The following TRIM72 variants were observed in gnomAD, a reference collection of about 807,000 sequenced individuals.
The protein encoded by TRIM72 is tripartite motif containing 72.
In TRIM72, 33 loss-of-function variants were observed where a neutral mutation model predicts 31.6. The ratio of observed to expected loss-of-function variants is 1.04; its 90% CI spans 0.79 to 1.40. The LOEUF (loss-of-function observed/expected upper bound fraction) is 1.40, where lower values mean the gene tolerates loss of function less well. Ranked by LOEUF, TRIM72 falls within the 40% of genes most tolerant of loss-of-function variation. TRIM72 has a pLI of 0.00. For missense variants in TRIM72, 666 were observed against 682.7 expected, an observed-to-expected ratio of 0.98 and a Z score of 0.27; for synonymous variants, 301 against 314.4, an observed-to-expected ratio of 0.96 and a Z score of 0.45.
Position 31,228,619 on chromosome 16 carries a change from T to G in TRIM72, c.*3864T>G, listed in dbSNP as rs951633867. 4.0e-5 allele frequency: 6 copies of G among 151,740 alleles called. No individual in the cohort carries two copies. Among genetic ancestry groups the G allele is most frequent in the African/African-American group, 1.2e-4 (5 of 40,796 alleles). The allele number at this position is 151,740 out of a possible 1,614,324, so 9.4% of individuals were successfully genotyped here. On this transcript the variant is annotated 3_prime_UTR_variant, in exon 7 of 7. Transcript: ENST00000322122. Reference sequence around the variant, plus strand: ...TGCAGTCTTGCTCTGTCGCCCAGGCTGGAGTGCAATGGTGCTATCTCAGCT... The same window carrying G: ...TGCAGTCTTGCTCTGTCGCCCAGGCGGGAGTGCAATGGTGCTATCTCAGCT...
rs1378130497 is a variant in TRIM72, at chr16:31,219,221, C to T, written c.486+31C>T. 8.1e-6 allele frequency: 13 copies of T among 1,613,906 alleles called. No individual in the cohort carries two copies. Among genetic ancestry groups the T allele is most frequent in the Non-Finnish European group, 1.1e-5 (13 of 1,179,846 alleles). On this transcript the variant is annotated intron_variant, in intron 3 of 6. Coordinates refer to ENST00000322122, the MANE Select transcript of TRIM72 (RefSeq NM_001008274.4). The surrounding 1 kb of genome is among the most constrained non-coding windows in gnomAD (Gnocchi z 4.2). Reference sequence around the variant, plus strand: ...GACTTCACAGGGCCATGTCTGAGGGCTGGGGGCCAGGCTAGGGGTCTCCAG... The same window carrying T: ...GACTTCACAGGGCCATGTCTGAGGGTTGGGGGCCAGGCTAGGGGTCTCCAG...
chr16:31,221,050 C>T, intron 5 of TRIM72, 132 bp downstream of exon 5: 1 of 1,169,094 alleles, frequency 8.6e-7, no homozygotes, highest in Non-Finnish European at 1.3e-6. Context: ...CCTGCCTGAA[C>T]ACAAGGTTGT....
Position 31,219,465 on chromosome 16 carries a change from G to T in TRIM72, c.663G>T (p.Gln221His), listed in dbSNP as rs748055741. Residue 221 changes from glutamine (Q) to histidine (H), a missense_variant, in exon 4 of 7, where the codon CAG (glutamine) becomes CAT (histidine). Gln to His is a conservative substitution (Grantham distance 24). Transcript: ENST00000322122. This position sits in a 1 kb window ranked among gnomAD's most constrained non-coding sequence, Gnocchi z 4.2. ...SLNSYLEQLRQMEKVLEEVAD... is the reference protein window; with the variant it reads ...SLNSYLEQLRHMEKVLEEVAD... ...ACTCTTACCTGGAGCAGCTGCGGCAGATGGAGAAGGTCCTGGAGGAGGTGG... is the reference window on the plus strand; with the variant it reads ...ACTCTTACCTGGAGCAGCTGCGGCATATGGAGAAGGTCCTGGAGGAGGTGG... 3 of 1,612,058 alleles carry T rather than the reference G, an allele frequency of 1.9e-6. No homozygotes were observed. The African/African-American group carries it at 4.0e-5, about 22-fold the overall frequency.
At position 31,216,859 on chromosome 16, in the gene TRIM72, A is replaced by G; in HGVS notation, c.390+1731A>G. On this transcript the variant is annotated intron_variant, in intron 2 of 6. Transcript: ENST00000322122. This position sits in a 1 kb window ranked among gnomAD's most constrained non-coding sequence, Gnocchi z 6.7. ...TGCGTAGTCCTCGTAGTAGGAGGCGACCAGCTTGTCGGTGAGGTCCACGAT... is the reference window on the plus strand; with the variant it reads ...TGCGTAGTCCTCGTAGTAGGAGGCGGCCAGCTTGTCGGTGAGGTCCACGAT... 1 of 1,613,808 alleles carries G rather than the reference A, an allele frequency of 6.2e-7. No homozygotes were observed. Among genetic ancestry groups the G allele is most frequent in the Non-Finnish European group, 8.5e-7 (1 of 1,179,950 alleles).
At position 31,222,895 on chromosome 16, in the gene TRIM72, A is replaced by T; in HGVS notation, c.809A>T (p.Asp270Val). 6.4e-7 allele frequency: 1 copy of T among 1,560,538 alleles called. No homozygotes were observed. Among genetic ancestry groups the T allele is most frequent in the South Asian group, 1.2e-5 (1 of 84,108 alleles). The change falls in exon 6 of 7, where the codon GAT (aspartate) becomes GTT (valine). Residue 270 changes from aspartate to valine, a missense_variant. By Grantham distance (152) the Asp-to-Val change is radical. Coordinates refer to ENST00000322122, the MANE Select transcript of TRIM72 (RefSeq NM_001008274.4). ...RLDIQLPIISDDFKFQVWRKM... is the reference protein window; with the variant it reads ...RLDIQLPIISVDFKFQVWRKM... ...GACATCCAGCTGCCAATTATCTCAG[A>T]TGACTTCAAATTCCAGGTGTGGAGG...
At chr16:31,218,047 G>A (rs1372373390) in intron 2 of TRIM72, among the ~76,000 whole-genome samples, 1 of 152,204 alleles carries the variant, frequency 6.6e-6, no homozygotes, top group African/African-American at 2.4e-5. Context: ...GGAAGCCCAG[G>A]AGTAGGGGTA....
Position 31,215,030 on chromosome 16 carries a change from G to C in TRIM72, c.292G>C (p.Glu98Gln). The part of the protein sequence containing the change: ...EHLDPLSIYC[E>Q]QDRALVCGVC... ...CCTGGACCCGCTGAGCATCTACTGC[G>C]AGCAGGACCGCGCGCTGGTGTGCGG... The change falls in exon 2 of 7, where the codon GAG becomes CAG. Residue 98 changes from glutamate (E) to glutamine (Q), a missense_variant. By Grantham distance (29) the Glu-to-Gln change is conservative. Transcript: ENST00000322122. The surrounding 1 kb of genome is among the most constrained non-coding windows in gnomAD (Gnocchi z 6.3). 1 of 1,504,854 alleles carries C rather than the reference G, an allele frequency of 6.6e-7. No individual in the cohort carries two copies. The highest frequency in any genetic ancestry group is 8.8e-7 in the Non-Finnish European group (1 of 1,135,026). The allele number at this position is 1,504,854 out of a possible 1,614,324, so 93.2% of individuals were successfully genotyped here.
At position 31,224,731 on chromosome 16, in the gene TRIM72, G is replaced by T; in HGVS notation, c.1410G>T (p.Val470=). ...AGAATGCCCAGCCGCTGCTGCTCGT[G>T]GGTCCCGAAGGCGCCGAGGCCTGAG... ...KGKNAQPLLL[V]GPEGAEA Residue 470 remains valine (V), a synonymous_variant, in exon 7 of 7, where the codon GTG becomes GTT. Coordinates refer to ENST00000322122, the MANE Select transcript of TRIM72 (RefSeq NM_001008274.4). 6.6e-7 allele frequency: 1 copy of T among 1,512,916 alleles called. No homozygotes were observed. The highest frequency in any genetic ancestry group is 2.5e-5 in the East Asian group (1 of 39,636). 93.7% of individuals were successfully genotyped at this position (1,512,916 alleles called of 1,614,324 possible). A position where few individuals can be genotyped will look rare whatever the true frequency, so the allele number is the denominator to read the frequency against.
intron 5 of TRIM72, among the ~76,000 whole-genome samples, chr16:31,222,016 G>A (rs1479838183): frequency 6.6e-6 from 1 of 152,190 alleles, no homozygotes; most frequent in African/African-American, 2.4e-5. Flanking sequence ...CGAGTGGGAG[G>A]GAAGAGGAAG....
In TRIM72 at chr16:31,228,589, T is replaced by G. The variant is rs1472231866; in HGVS notation, c.*3834T>G. 6.5e-6 allele frequency: 1 copy of G among 152,678 alleles called. No individual in the cohort carries two copies. Among genetic ancestry groups the G allele is most frequent in the Non-Finnish European group, 1.4e-5 (1 of 69,746 alleles). The allele number at this position is 152,678 out of a possible 1,614,324, so 9.5% of individuals were successfully genotyped here. On this transcript the variant is annotated 3_prime_UTR_variant, in exon 7 of 7. Coordinates refer to ENST00000322122, the MANE Select transcript of TRIM72 (RefSeq NM_001008274.4). ...ACCTCCTTTTTTTTTTTTTTTTTTT[T>G]GAGATGCAGTCTTGCTCTGTCGCCC...
At position 31,225,643 on chromosome 16, in the gene TRIM72, C is replaced by CTTTTTT. The variant is rs1160718865; in HGVS notation, c.*909_*914dup. 2 of 81,092 alleles carry CTTTTTT rather than the reference C, an allele frequency of 2.5e-5. No individual in the cohort carries two copies. Among genetic ancestry groups the CTTTTTT allele is most frequent in the African/African-American group, 4.3e-5 (1 of 23,182 alleles). 5.0% of individuals were successfully genotyped at this position (81,092 alleles called of 1,614,324 possible). ...AAATGCTCATTTCTTTTTTTTATTT[C>CTTTTTT]TTTTTTTTTTTTTTTTTTTTTTTTT... On this transcript the variant is annotated 3_prime_UTR_variant, in exon 7 of 7. Transcript: ENST00000322122.
At position 31,228,388 on chromosome 16, in the gene TRIM72, C is replaced by G. The variant is rs1262243398; in HGVS notation, c.*3633C>G. 1.3e-5 allele frequency: 2 copies of G among 152,254 alleles called. No individual in the cohort carries two copies. Among genetic ancestry groups the G allele is most frequent in the Admixed American group, 6.5e-5 (1 of 15,268 alleles). The allele number at this position is 152,254 out of a possible 1,614,324, so 9.4% of individuals were successfully genotyped here. A position where few individuals can be genotyped will look rare whatever the true frequency, so the allele number is the denominator to read the frequency against. ...GCTGTCCATTGACTGTCACTGAACT[C>G]TCTGTCATTGCTCAGGCTAAGGACT... is the stretch of plus-strand genomic sequence containing the variant. On this transcript the variant is annotated 3_prime_UTR_variant, in exon 7 of 7. Coordinates refer to ENST00000322122, the MANE Select transcript of TRIM72 (RefSeq NM_001008274.4).
chr16:31,219,996 C>T lies in TRIM72; in HGVS notation c.717+477C>T, dbSNP rs1345364861. Among the ~76,000 whole-genome samples the T allele has an allele frequency of 3.9e-5, 6 of 151,950 alleles. No individual in the cohort carries two copies. Among genetic ancestry groups the T allele is most frequent in the Admixed American group, 1.3e-4 (2 of 15,240 alleles). Reference sequence around the variant, plus strand: ...GCCAGGATGGTCTTGATCTCCTGACCTTGTGATCCACCTGCCTTAGCCTCC... The same window carrying T: ...GCCAGGATGGTCTTGATCTCCTGACTTTGTGATCCACCTGCCTTAGCCTCC... On this transcript the variant is annotated intron_variant, in intron 4 of 6. Transcript: ENST00000322122. This position sits in a 1 kb window ranked among gnomAD's most constrained non-coding sequence, Gnocchi z 4.2.
Position 31,215,220 on chromosome 16 carries a change from C to CT in TRIM72, c.390+93dup. On this transcript the variant is annotated intron_variant, in intron 2 of 6. Transcript: ENST00000322122. The surrounding 1 kb of genome is among the most constrained non-coding windows in gnomAD (Gnocchi z 6.3). ...CTGCAGTGATTTGGATTCTGAGTCT[C>CT]TAGAGAGGCTCACGAGCTCCTGGAG... 1 of 1,361,968 alleles carries CT rather than the reference C, an allele frequency of 7.3e-7. No homozygotes were observed. 84.4% of individuals were successfully genotyped at this position (1,361,968 alleles called of 1,614,324 possible). A position where few individuals can be genotyped will look rare whatever the true frequency, so the allele number is the denominator to read the frequency against.
chr16:31,223,798 T>TTGGGAGA (rs1275117520), intron 6 of TRIM72, among the ~76,000 whole-genome samples: 1 of 151,562 alleles, frequency 6.6e-6, no homozygotes, highest in Non-Finnish European at 1.5e-5. Flanking sequence ...TCCCAGCTAC[T>TTGGGAGA]TGGGAGATGG....
At position 31,230,940 on chromosome 16, in the gene TRIM72, C is replaced by T. The variant is rs2079568024; in HGVS notation, c.*6185C>T. On this transcript the variant is annotated 3_prime_UTR_variant, in exon 7 of 7. Coordinates refer to ENST00000322122, the MANE Select transcript of TRIM72 (RefSeq NM_001008274.4). ...AATTTATTGAGACCTTATTATGCGT[C>T]AATAGCTCTCTATTCAGAATCTCAC... 6.6e-6 allele frequency: 1 copy of T among 151,996 alleles called. No individual in the cohort carries two copies. Among genetic ancestry groups the T allele is most frequent in the Non-Finnish European group, 1.5e-5 (1 of 68,006 alleles). 9.4% of individuals were successfully genotyped at this position (151,996 alleles called of 1,614,324 possible).
At position 31,231,391 on chromosome 16, in the gene TRIM72, G is replaced by A. The variant is rs969622624; in HGVS notation, c.*6636G>A. 2 of 152,148 alleles carry A rather than the reference G, an allele frequency of 1.3e-5. No individual in the cohort carries two copies. Among genetic ancestry groups the A allele is most frequent in the East Asian group, 1.9e-4 (1 of 5,156 alleles). The allele number at this position is 152,148 out of a possible 1,614,324, so 9.4% of individuals were successfully genotyped here. On this transcript the variant is annotated 3_prime_UTR_variant, in exon 7 of 7. Transcript: ENST00000322122. ...TGACAGTCTGACCACAAAGGACCCC[G>A]GTCCACAGAAGCATGATGCATCTTG... is the stretch of plus-strand genomic sequence containing the variant.
chr16:31,229,542 C>G lies in TRIM72; in HGVS notation c.*4787C>G, dbSNP rs919204353. ...GCTGCGTAATCCAGGTGGTCCTTGT[C>G]GGGTGGGGCTGCCTGACCCAGGCAG... On this transcript the variant is annotated 3_prime_UTR_variant, in exon 7 of 7. Coordinates refer to ENST00000322122, the MANE Select transcript of TRIM72 (RefSeq NM_001008274.4). The G allele has an allele frequency of 6.6e-6, 1 of 152,112 alleles. No individual in the cohort carries two copies. The highest frequency in any genetic ancestry group is 6.6e-5 in the Admixed American group (1 of 15,260). The allele number at this position is 152,112 out of a possible 1,614,324, so 9.4% of individuals were successfully genotyped here.
At position 31,229,017 on chromosome 16, in the gene TRIM72, G is replaced by T. The variant is rs1041558521; in HGVS notation, c.*4262G>T. 1 of 152,312 alleles carries T rather than the reference G, an allele frequency of 6.6e-6. No homozygotes were observed. The highest frequency in any genetic ancestry group is 2.4e-5 in the African/African-American group (1 of 41,424). 9.4% of individuals were successfully genotyped at this position (152,312 alleles called of 1,614,324 possible). The stretch of plus-strand genomic sequence containing the variant: ...AATCAGTTACTCTCCTCTCTGGATC[G>T]CCCAGCAGCTCCTCCACCATGTGTA... On this transcript the variant is annotated 3_prime_UTR_variant, in exon 7 of 7. Coordinates refer to ENST00000322122, the MANE Select transcript of TRIM72 (RefSeq NM_001008274.4).
Sources: gnomAD v4.1 joint callset for allele counts (sites outside exome capture counted in the v4.1 genomes callset) on GRCh38, gnomAD v4.1.1 for gene constraint, Gnocchi (gnomAD v3.1) non-coding constraint, MANE v1.5 for transcripts, NCBI Gene and HGNC (gene_info 2026-07-23, HGNC 2026-07-21) for gene names.